Variants in COX6C observed in about 807,000 individuals in gnomAD.
The protein encoded by COX6C is cytochrome c oxidase subunit 6C.
In COX6C, 3 loss-of-function variants were observed where a neutral mutation model predicts 6.9. The observed-to-expected ratio is 0.43, with a 90% CI of 0.20 to 1.12. The LOEUF is 1.12. Among genes scored for constraint, COX6C ranks in the 50% most tolerant of loss-of-function variants. The probability of loss-of-function intolerance (pLI) is 0.27; values close to 1 mark genes in which losing one functional copy is unlikely to be tolerated. For synonymous variants in COX6C, 32 were observed against 32.0 expected, an observed-to-expected ratio of 1.00 and a Z score of 0.00; for missense variants, 101 against 97.3, an observed-to-expected ratio of 1.04 and a Z score of -0.16.
In COX6C at chr8:99,890,280, A is replaced by G. The variant is rs137943778; in HGVS notation, c.114+1628T>C. On this transcript the variant is annotated intron_variant, in intron 2 of 3. Transcript: ENST00000520468. ...ACCCAGCCCCTCTCCCTAACTTGCA[A>G]GGCTCAAATTCCACCTCCTCTATCA... is the stretch of plus-strand genomic sequence containing the variant. Among the ~76,000 whole-genome samples, 966 of 152,134 alleles carry G rather than the reference A, an allele frequency of 6.3e-3. 6 individuals are homozygous for G. Among genetic ancestry groups the G allele is most frequent in the Middle Eastern group, 0.017 (5 of 294 alleles).
chr8:99,887,513 C>T lies in COX6C; in HGVS notation c.220G>A (p.Val74Ile), dbSNP rs556659597. Residue 74 changes from valine (V) to isoleucine (I), a missense_variant, in exon 3 of 4, where the codon GTA becomes ATA. Physicochemically the swap from Val to Ile is conservative, Grantham distance 29. Coordinates refer to ENST00000520468, the MANE Select transcript of COX6C (RefSeq NM_004374.4). ...ACCTTTATATTCCAAGATTACTTTA[C>T]ACTCTGAAAGATACCAGCCTTCCTC... ...EMRKAGIFQS[V>I]K 22 of 1,587,502 alleles carry T rather than the reference C, an allele frequency of 1.4e-5. No individual in the cohort carries two copies. Among genetic ancestry groups the T allele is most frequent in the Middle Eastern group, 3.4e-4 (2 of 5,894 alleles).
In COX6C at chr8:99,891,978, A is replaced by AC; in HGVS notation, c.43_44insG (p.Leu15ArgfsTer24). 1 of 1,613,848 alleles carries AC rather than the reference A, an allele frequency of 6.2e-7. No individual in the cohort carries two copies. Reference sequence around the variant, plus strand: ...CATATGATTTCGCAGACGCCTGGCCAGAAGGCCACGCATCCGAGGTTTTGG... The same window carrying AC: ...CATATGATTTCGCAGACGCCTGGCCACGAAGGCCACGCATCCGAGGTTTTGG... On this transcript the variant is annotated frameshift_variant, in exon 2 of 4. Coordinates refer to ENST00000520468, the MANE Select transcript of COX6C (RefSeq NM_004374.4). LOFTEE classifies it high-confidence loss of function.
At chr8:99,885,182 T>C (rs1226857980) in intron 3 of COX6C, among the ~76,000 whole-genome samples, 1 of 152,204 alleles carries the variant, frequency 6.6e-6, no homozygotes, top group Admixed American at 6.5e-5. Flanking sequence ...CAGTCAACTG[T>C]GGTTCAAAAA....
At chr8:99,886,923 A>ATG (rs758668953) in intron 3 of COX6C, 4 of 152,274 alleles carry the variant, frequency 2.6e-5, no homozygotes, top group African/African-American at 4.8e-5. Context: ...TTGCACAACA[A>ATG]TGTGAATGAA....
At chr8:99,885,509 G>C (rs886915717) in intron 3 of COX6C, among the ~76,000 whole-genome samples, 1 of 152,094 alleles carries the variant, frequency 6.6e-6, no homozygotes, top group Non-Finnish European at 1.5e-5. Context: ...ATAAACTCTC[G>C]CATTTAGAGT....
chr8:99,880,407 G>A (rs1205879159), intron 3 of COX6C, among the ~76,000 whole-genome samples: 1 of 152,138 alleles, frequency 6.6e-6, no homozygotes, highest in Non-Finnish European at 1.5e-5. Context: ...ATATAAACAA[G>A]TGAGAATATA....
chr8:99,884,763 G>C (rs1817920699), intron 3 of COX6C, among the ~76,000 whole-genome samples: 1 of 152,016 alleles, frequency 6.6e-6, no homozygotes, highest in Non-Finnish European at 1.5e-5. Flanking sequence ...CTATAATAAA[G>C]CTTAACTCAT....
Position 99,888,111 on chromosome 8 carries a change from A to T in COX6C, c.115-493T>A, listed in dbSNP as rs113745834. Among the ~76,000 whole-genome samples the T allele has an allele frequency of 2.9e-3, 432 of 150,874 alleles. 4 individuals carry two copies. The highest frequency in any genetic ancestry group is 8.2e-3 in the African/African-American group (340 of 41,364). ...GTCTCAAAAAAATAAAAAATAAAAA[A>T]AAATAAAAAATAAAAAAAAAATAAA... On this transcript the variant is annotated intron_variant, in intron 2 of 3. Transcript: ENST00000520468.
rs192430680 is a variant in COX6C at position 99,881,733 on chromosome 8, G to C, written c.*16-3468C>G. 4.2e-3 allele frequency among the ~76,000 whole-genome samples: 641 copies of C among 152,230 alleles called. 7 individuals carry two copies. The highest frequency in any genetic ancestry group is 0.014 in the African/African-American group (587 of 41,538). On this transcript the variant is annotated intron_variant, in intron 3 of 3. Coordinates refer to ENST00000520468, the MANE Select transcript of COX6C (RefSeq NM_004374.4). Reference sequence around the variant, plus strand: ...CTGTAAGACACATAGAAAACAAAATGGCAATACTGTGTCTTTATCAGTAAT... The same window carrying C: ...CTGTAAGACACATAGAAAACAAAATCGCAATACTGTGTCTTTATCAGTAAT...
At chr8:99,891,476 A>C (rs1465284502) in intron 2 of COX6C, among the ~76,000 whole-genome samples, 2 of 152,192 alleles carry the variant, frequency 1.3e-5, no homozygotes, top group Non-Finnish European at 2.9e-5. Flanking sequence ...CCCTGTTTCA[A>C]AGAAAGAAAA....
intron 2 of COX6C, among the ~76,000 whole-genome samples, chr8:99,889,630 T>G (rs58758228): frequency 6.6e-6 from 1 of 151,400 alleles, no homozygotes; most frequent in Non-Finnish European, 1.5e-5. Context: ...TCAGGTGATC[T>G]GCCCGCCTCA....
chr8:99,880,180 T>TA (rs1323532598), intron 3 of COX6C, among the ~76,000 whole-genome samples: 1 of 152,090 alleles, frequency 6.6e-6, no homozygotes, highest in African/African-American at 2.4e-5. Flanking sequence ...AAGGGACAGG[T>TA]AGCTGGTTTT....
intron 3 of COX6C, among the ~76,000 whole-genome samples, chr8:99,883,584 G>A (rs143822119): frequency 5.3e-5 from 8 of 151,648 alleles, no homozygotes; most frequent in Non-Finnish European, 7.4e-5. Context: ...TTACAGGCAT[G>A]AGCCACCATG....
chr8:99,882,511 A>T (rs1394593368), intron 3 of COX6C, among the ~76,000 whole-genome samples: 1 of 152,180 alleles, frequency 6.6e-6, no homozygotes, highest in Non-Finnish European at 1.5e-5. Flanking sequence ...ATTTTTAAAA[A>T]ACTGTATCAA....
intron 2 of COX6C, among the ~76,000 whole-genome samples, chr8:99,891,079 C>G (rs2131011756): frequency 6.6e-6 from 1 of 152,360 alleles, no homozygotes; most frequent in Admixed American, 6.5e-5. Context: ...CCTTCCCAGC[C>G]CCTCTGCATA....
At chr8:99,887,955 T>C (rs1288691693) in intron 2 of COX6C, among the ~76,000 whole-genome samples, 1 of 151,684 alleles carries the variant, frequency 6.6e-6, no homozygotes, top group African/African-American at 2.4e-5. Context: ...TTTTTAAAGA[T>C]GGGGTCTCGC....
At chr8:99,884,795 T>C (rs1817921527) in intron 3 of COX6C, among the ~76,000 whole-genome samples, 1 of 151,818 alleles carries the variant, frequency 6.6e-6, no homozygotes, top group South Asian at 2.1e-4. Context: ...AGTAAGAGAG[T>C]AGCAACACTA....
At chr8:99,883,011 C>G (rs1172511422) in intron 3 of COX6C, among the ~76,000 whole-genome samples, 2 of 152,086 alleles carry the variant, frequency 1.3e-5, no homozygotes, top group Non-Finnish European at 2.9e-5. Context: ...TGGTTTCAAA[C>G]TCCTGGGCTC....
At chr8:99,881,351 C>T (rs1390519868) in intron 3 of COX6C, among the ~76,000 whole-genome samples, 1 of 149,280 alleles carries the variant, frequency 6.7e-6, no homozygotes, top group Non-Finnish European at 1.5e-5. Flanking sequence ...CAGAGTAAGA[C>T]TCCATCTCTT....
Sources: allele counts gnomAD v4.1 joint callset (sites outside exome capture counted in the v4.1 genomes callset), GRCh38; gene constraint gnomAD v4.1.1; transcripts MANE v1.5; gene names NCBI Gene and HGNC (gene_info 2026-07-23, HGNC 2026-07-21).